The following GALNT11 variants were observed in gnomAD, a reference collection of about 807,000 sequenced individuals.
The protein encoded by GALNT11 is polypeptide N-acetylgalactosaminyltransferase 11, also known as UDP-GalNAc:polypeptide N-acetylgalactosaminyltransferase 11.
Under a neutral mutation model 72.7 loss-of-function variants are expected in GALNT11, and 47 were observed. The observed-to-expected ratio is 0.65, with a 90% CI of 0.51 to 0.82. The LOEUF (loss-of-function observed/expected upper bound fraction) is 0.82, where lower values mean the gene tolerates loss of function less well. GALNT11 is among the 40% of genes least tolerant of loss of function. GALNT11 has a pLI of 0.00. For synonymous variants in GALNT11, 270 were observed against 286.6 expected (o/e 0.94, Z 0.58); for missense variants, 677 against 778.4 (o/e 0.87, Z 1.55).
chr7:152,101,012 C>A (rs1349827025), intron 3 of GALNT11, 91 bp downstream of exon 3: 2 of 1,495,016 alleles, frequency 1.3e-6, no homozygotes, highest in African/African-American at 2.8e-5. Context: ...GTTCATATTT[C>A]CCAATGCAGC....
chr7:152,026,443 C>T (rs2082019196), intron 1 of GALNT11, among the ~76,000 whole-genome samples: 1 of 152,182 alleles, frequency 6.6e-6, no homozygotes, highest in Non-Finnish European at 1.5e-5. Flanking sequence ...GGAGGAAATT[C>T]GCTGTGGACC....
intron 1 of GALNT11, among the ~76,000 whole-genome samples, chr7:152,032,785 C>G (rs867062775): frequency 1.3e-5 from 2 of 152,276 alleles, no homozygotes; most frequent in South Asian, 4.1e-4. Context: ...TCCCCATATT[C>G]ATGTAGATAA....
Position 152,049,168 on chromosome 7 carries a change from T to C in GALNT11, c.-39+23284T>C, listed in dbSNP as rs866550484. Among the ~76,000 whole-genome samples, 7 of 152,286 alleles carry C rather than the reference T, an allele frequency of 4.6e-5. No homozygotes were observed. In the Middle Eastern group the frequency reaches 0.017, roughly 370 times the overall value. Reference sequence around the variant, plus strand: ...GGTGAGGTCATGTTTTCCGGAATCATCTTGATGCTTGAGGATGTTTGTTGG... The same window carrying C: ...GGTGAGGTCATGTTTTCCGGAATCACCTTGATGCTTGAGGATGTTTGTTGG... On this transcript the variant is annotated intron_variant, in intron 1 of 11. Transcript: ENST00000430044.
intron 1 of GALNT11, among the ~76,000 whole-genome samples, chr7:152,064,074 T>C (rs888560807): frequency 2.0e-5 from 3 of 152,140 alleles, no homozygotes; most frequent in African/African-American, 7.2e-5. Context: ...AAGTCTGCCA[T>C]TATTATTGTG....
intron 4 of GALNT11, chr7:152,104,088 C>CCAAA (rs1288601942): frequency 1.3e-5 from 2 of 152,142 alleles, no homozygotes; most frequent in East Asian, 3.8e-4. Context: ...CTTTGTGTAC[C>CCAAA]CAAACAGGAT....
In GALNT11 at chr7:152,108,147, T is replaced by A. The variant is rs1205106200; in HGVS notation, c.822T>A (p.Ile274=). The change falls in exon 6 of 12, where the codon ATT becomes ATA. Residue 274 remains isoleucine, a synonymous_variant. Transcript: ENST00000430044. The part of the protein sequence containing the change: ...EDRHTVVCPV[I]DIISADTLAY... ...GGCACACCGTGGTGTGCCCAGTGATTGACATCATCAGCGCCGACACGCTGG... is the reference window on the plus strand; with the variant it reads ...GGCACACCGTGGTGTGCCCAGTGATAGACATCATCAGCGCCGACACGCTGG... 2 of 1,614,118 alleles carry A rather than the reference T, an allele frequency of 1.2e-6. No individual in the cohort carries two copies. The highest frequency in any genetic ancestry group is 1.7e-6 in the Non-Finnish European group (2 of 1,180,026).
At chr7:152,102,570 A>G (rs2087051800) in intron 3 of GALNT11, among the ~76,000 whole-genome samples, 1 of 152,046 alleles carries the variant, frequency 6.6e-6, no homozygotes, top group Non-Finnish European at 1.5e-5. Context: ...CCAAAAGTAA[A>G]CAAGATAGCA....
chr7:152,109,949 C>T (rs575249822), intron 6 of GALNT11, among the ~76,000 whole-genome samples: 1 of 152,238 alleles, frequency 6.6e-6, no homozygotes, highest in East Asian at 1.9e-4. Context: ...CATTTTGGGC[C>T]AGATAATTCT....
chr7:152,048,607 G>A (rs2083255537), intron 1 of GALNT11, among the ~76,000 whole-genome samples: 1 of 151,214 alleles, frequency 6.6e-6, no homozygotes, highest in Non-Finnish European at 1.5e-5. Flanking sequence ...TCAACTCACT[G>A]CAAGCTCCAC....
At chr7:152,081,980 A>G (rs1391805888) in intron 1 of GALNT11, among the ~76,000 whole-genome samples, 3 of 152,204 alleles carry the variant, frequency 2.0e-5, no homozygotes, top group Non-Finnish European at 4.4e-5. Context: ...AGTTTGTTCA[A>G]CCAGCCCCTT....
chr7:152,059,420 A>G (rs1196472132), intron 1 of GALNT11, among the ~76,000 whole-genome samples: 1 of 152,160 alleles, frequency 6.6e-6, no homozygotes, highest in Non-Finnish European at 1.5e-5. Context: ...TCTTAATGGC[A>G]TCTAGAATGA....
At chr7:152,113,156 T>C (rs1231670515) in intron 7 of GALNT11, 90 bp from the exon 8 acceptor site, 2 of 1,389,846 alleles carry the variant, frequency 1.4e-6, no homozygotes, top group African/African-American at 1.5e-5. Flanking sequence ...TAAACACCTA[T>C]TGAATAAAGA....
chr7:152,119,425 G>A (rs1238340924), intron 10 of GALNT11: 1 of 152,034 alleles, frequency 6.6e-6, no homozygotes, highest in Non-Finnish European at 1.5e-5. Context: ...TTTAGTGGTG[G>A]GTTGGTGTCA....
At chr7:152,068,530 A>AT (rs2084445933) in intron 1 of GALNT11, among the ~76,000 whole-genome samples, 1 of 152,060 alleles carries the variant, frequency 6.6e-6, no homozygotes, top group East Asian at 1.9e-4. Context: ...AAATTGGTAC[A>AT]TTTTTTCTTG....
rs757716044 is a variant in GALNT11 at position 152,110,584 on chromosome 7, T to C, written c.1019T>C (p.Leu340Pro). ...ATGAACAGACAGTATTTCCATGAAC[T>C]TGGACAGTATGATAGTGGCATGGAT... ...FAMNRQYFHELGQYDSGMDIW... is the reference protein window; with the variant it reads ...FAMNRQYFHEPGQYDSGMDIW... Residue 340 changes from leucine (L) to proline (P), a missense_variant, in exon 7 of 12, where the codon CTT becomes CCT. Transcript: ENST00000430044. The C allele has an allele frequency of 1.2e-6, 2 of 1,613,270 alleles. No homozygotes were observed. Among genetic ancestry groups the C allele is most frequent in the Non-Finnish European group, 1.7e-6 (2 of 1,179,846 alleles).
At chr7:152,061,208 A>G (rs1313306799) in intron 1 of GALNT11, among the ~76,000 whole-genome samples, 2 of 152,046 alleles carry the variant, frequency 1.3e-5, no homozygotes, top group Non-Finnish European at 2.9e-5. Flanking sequence ...TTTGATTTGC[A>G]TTTCTCTGAT....
At chr7:152,036,656 T>A (rs10267765) in intron 1 of GALNT11, among the ~76,000 whole-genome samples, 13,604 of 152,122 alleles carry the variant, frequency 0.089, 1,150 homozygotes, top group African/African-American at 0.21. Flanking sequence ...TTTTTGGGGA[T>A]CCTCCAAACT....
At position 152,105,324 on chromosome 7, in the gene GALNT11, T is replaced by C. The variant is rs773989480; in HGVS notation, c.666T>C (p.Arg222=). 6.2e-6 allele frequency: 10 copies of C among 1,613,782 alleles called. No individual in the cohort carries two copies. Among genetic ancestry groups the C allele is most frequent in the Non-Finnish European group, 3.4e-6 (4 of 1,179,944 alleles). ...GKIKVIRNTK[R]EGLIRGRMIG... ...TTAAAGTCATAAGAAATACAAAGCG[T>C]GAGGGGTTGATTCGAGGGAGAATGA... The change falls in exon 5 of 12, where the codon CGT becomes CGC. Residue 222 remains arginine, a synonymous_variant. Coordinates refer to ENST00000430044, the MANE Select transcript of GALNT11 (RefSeq NM_022087.4).
At chr7:152,095,540 T>G (rs545643999) in intron 2 of GALNT11, among the ~76,000 whole-genome samples, 1 of 152,258 alleles carries the variant, frequency 6.6e-6, no homozygotes, top group South Asian at 2.1e-4. Context: ...ATGTAAAATT[T>G]TATGAGGAAA....
Sources: gnomAD v4.1 joint callset for allele counts (sites outside exome capture counted in the v4.1 genomes callset) on GRCh38, gnomAD v4.1.1 for gene constraint, MANE v1.5 for transcripts, NCBI Gene and HGNC (gene_info 2026-07-23, HGNC 2026-07-21) for gene names.